Variants in KDM3B observed in about 807,000 individuals in gnomAD.
KDM3B encodes the protein lysine-specific demethylase 3B.
Under a neutral mutation model 170.0 loss-of-function variants are expected in KDM3B, and 10 were observed. The ratio of observed to expected loss-of-function variants is 0.06; its 90% confidence interval spans 0.04 to 0.10. The LOEUF is 0.10. KDM3B is among the 10% of genes least tolerant of loss of function. The probability of loss-of-function intolerance (pLI) is 1.00; values close to 1 mark genes in which losing one functional copy is unlikely to be tolerated. For missense variants in KDM3B, 1,394 were observed against 2,195.2 expected, an observed-to-expected ratio of 0.64 and a Z score of 7.29; for synonymous variants, 831 against 834.8, an observed-to-expected ratio of 1.00 and a Z score of 0.08.
chr5:138,366,621 C>T (rs1372772008), intron 1 of KDM3B, among the ~76,000 whole-genome samples: 1 of 152,174 alleles, frequency 6.6e-6, no homozygotes. Context: ...CATCAGCCAC[C>T]ATGCCTGGCC....
At chr5:138,410,655 GC>G (rs1762942015) in intron 11 of KDM3B, among the ~76,000 whole-genome samples, 1 of 152,192 alleles carries the variant, frequency 6.6e-6, no homozygotes, top group African/African-American at 2.4e-5. Context: ...ACCAGTAGTG[GC>G]CCCGAATGTC....
intron 11 of KDM3B, among the ~76,000 whole-genome samples, chr5:138,406,328 T>C (rs1364697415): frequency 6.6e-6 from 1 of 152,022 alleles, no homozygotes; most frequent in Non-Finnish European, 1.5e-5. Context: ...CTGGGTGACA[T>C]AGTGCAACCC....
At chr5:138,389,537 A>G (rs1214836226) in intron 7 of KDM3B, among the ~76,000 whole-genome samples, 2 of 152,192 alleles carry the variant, frequency 1.3e-5, no homozygotes, top group African/African-American at 4.8e-5. Flanking sequence ...TTGCGAAACT[A>G]TGAAGACTAT....
chr5:138,384,734 T>C (rs1762212831), intron 6 of KDM3B, among the ~76,000 whole-genome samples: 1 of 137,596 alleles, frequency 7.3e-6, no homozygotes, highest in Non-Finnish European at 1.6e-5. Context: ...AGCGAAACTC[T>C]TGTCTCAAAA....
intron 14 of KDM3B, among the ~76,000 whole-genome samples, chr5:138,419,959 C>T (rs537981978): frequency 6.8e-4 from 103 of 152,128 alleles, no homozygotes; most frequent in Admixed American, 1.3e-3. Flanking sequence ...GATCTTGGCT[C>T]ACTGCAACCT....
intron 11 of KDM3B, among the ~76,000 whole-genome samples, chr5:138,402,713 C>T (rs559461306): frequency 5.4e-4 from 82 of 152,238 alleles, no homozygotes; most frequent in Non-Finnish European, 9.9e-4. Flanking sequence ...TGACATTGAA[C>T]AACAGGCAAC....
At chr5:138,368,223 TTTTC>T (rs937733888) in intron 1 of KDM3B, among the ~76,000 whole-genome samples, 6 of 151,546 alleles carry the variant, frequency 4.0e-5, no homozygotes, top group East Asian at 3.9e-4. Context: ...TTCTTCTTCT[TTTTC>T]TTTCTTTCTT....
intron 15 of KDM3B, 79 bp downstream of exon 15, chr5:138,421,041 G>T: frequency 6.7e-7 from 1 of 1,499,166 alleles, no homozygotes; most frequent in Admixed American, 1.7e-5. Context: ...GGGTTAGAGG[G>T]TACATGGGTG....
intron 23 of KDM3B, among the ~76,000 whole-genome samples, chr5:138,435,114 A>G (rs959893844): frequency 6.6e-6 from 1 of 152,240 alleles, no homozygotes; most frequent in African/African-American, 2.4e-5. Flanking sequence ...TAATATATCC[A>G]AATCAGAAAA....
rs1407258080 is a variant in KDM3B, at chr5:138,412,186, A to G, written c.3200-2946A>G. ...CCCTGTCTCTACTAAAAATACAAAAATTAGCTGGGCGTGGTGGCGGGCACC... is the reference window on the plus strand; with the variant it reads ...CCCTGTCTCTACTAAAAATACAAAAGTTAGCTGGGCGTGGTGGCGGGCACC... On this transcript the variant is annotated intron_variant, in intron 11 of 23. Coordinates refer to ENST00000314358, the MANE Select transcript of KDM3B (RefSeq NM_016604.4). Among the ~76,000 whole-genome samples, 5 of 151,472 alleles carry G rather than the reference A, an allele frequency of 3.3e-5. No individual in the cohort carries two copies. In the East Asian group the frequency reaches 8.0e-4, roughly 24 times the overall value.
intron 22 of KDM3B, 78 bp from the exon 23 acceptor site, chr5:138,431,347 A>T: frequency 8.1e-7 from 1 of 1,228,140 alleles, no homozygotes; most frequent in Admixed American, 2.7e-5. Context: ...GGTTTTTTTA[A>T]CTATATCATG....
At chr5:138,374,403 C>A (rs559121264) in intron 2 of KDM3B, 1 of 333,488 alleles carries the variant, frequency 3.0e-6, no homozygotes. Flanking sequence ...GGATTACAGG[C>A]GCCCACCACC....
chr5:138,379,364 A>G (rs1216818147), intron 4 of KDM3B, among the ~76,000 whole-genome samples: 2 of 152,194 alleles, frequency 1.3e-5, no homozygotes, highest in Non-Finnish European at 1.5e-5. Flanking sequence ...GAATTTCCAA[A>G]TAAATGAAGA....
rs1019903714 is a variant in KDM3B at position 138,436,963 on chromosome 5, T to C, written c.*1263T>C. ...AGAATACTTTTAATTTCACTTTCTGTATTTTAATTTTGTTGAAGGGCTGAT... is the reference window on the plus strand; with the variant it reads ...AGAATACTTTTAATTTCACTTTCTGCATTTTAATTTTGTTGAAGGGCTGAT... On this transcript the variant is annotated 3_prime_UTR_variant, in exon 24 of 24. Coordinates refer to ENST00000314358, the MANE Select transcript of KDM3B (RefSeq NM_016604.4). The C allele has an allele frequency of 5.9e-5, 9 of 152,272 alleles. No homozygotes were observed. Among genetic ancestry groups the C allele is most frequent in the East Asian group, 1.9e-4 (1 of 5,188 alleles). The allele number at this position is 152,272 out of a possible 1,614,324, so 9.4% of individuals were successfully genotyped here. A position where few individuals can be genotyped will look rare whatever the true frequency, so the allele number is the denominator to read the frequency against.
chr5:138,396,423 T>G (rs1762549200), intron 9 of KDM3B, among the ~76,000 whole-genome samples: 2 of 152,144 alleles, frequency 1.3e-5, no homozygotes, highest in Admixed American at 6.6e-5. Context: ...AGAGGAACTT[T>G]GCTCAAGCAG....
At chr5:138,357,630 G>A (rs1164479395) in intron 1 of KDM3B, among the ~76,000 whole-genome samples, 1 of 152,202 alleles carries the variant, frequency 6.6e-6, no homozygotes, top group African/African-American at 2.4e-5. Context: ...AAAGTGTTGG[G>A]ATTACAGGCG....
chr5:138,374,807 A>G (rs925879917), intron 2 of KDM3B, among the ~76,000 whole-genome samples: 10 of 152,222 alleles, frequency 6.6e-5, no homozygotes, highest in Admixed American at 2.6e-4. Flanking sequence ...TTGAAGCCTA[A>G]TAAGATTAGC....
intron 19 of KDM3B, 30 bp downstream of exon 19, chr5:138,427,349 T>A: frequency 6.3e-7 from 1 of 1,593,568 alleles, no homozygotes; most frequent in Non-Finnish European, 8.6e-7. Flanking sequence ...ATTGCTCTTT[T>A]GGGGGACTGT....
intron 11 of KDM3B, among the ~76,000 whole-genome samples, chr5:138,411,248 C>G (rs1455548950): frequency 2.0e-5 from 3 of 152,346 alleles, no homozygotes; most frequent in East Asian, 3.9e-4. Context: ...GGCTCACACT[C>G]TTGTCTTCTA....
Sources: allele counts gnomAD v4.1 joint callset (sites outside exome capture counted in the v4.1 genomes callset), GRCh38; gene constraint gnomAD v4.1.1; transcripts MANE v1.5; gene names NCBI Gene and HGNC (gene_info 2026-07-23, HGNC 2026-07-21).